Variants in WDR33 observed in about 807,000 individuals in gnomAD.
WDR33 encodes the protein WD repeat domain 33, also known as pre-mRNA 3' end processing protein WDR33.
WDR33 carries 47 observed loss-of-function variants against 164.9 expected under a neutral mutation model. That is an observed-to-expected ratio of 0.29 (90% CI 0.23 to 0.36). The LOEUF is 0.36. WDR33 is among the 10% of genes least tolerant of loss of function. WDR33 has a pLI of 1.00. For missense variants in WDR33, 1,137 were observed against 1,754.1 expected, an observed-to-expected ratio of 0.65 and a Z score of 6.28; for synonymous variants, 505 against 589.0, an observed-to-expected ratio of 0.86 and a Z score of 2.06.
At chr2:127,778,381 G>A (rs1032959031) in intron 1 of WDR33, among the ~76,000 whole-genome samples, 1 of 150,724 alleles carries the variant, frequency 6.6e-6, no homozygotes, top group Non-Finnish European at 1.5e-5. Flanking sequence ...AGACTGCAAT[G>A]AGCCAAGATC....
intron 1 of WDR33, among the ~76,000 whole-genome samples, chr2:127,795,491 A>AT (rs1466444116): frequency 6.6e-6 from 1 of 151,858 alleles, no homozygotes; most frequent in Non-Finnish European, 1.5e-5. Context: ...GCAGAATTAC[A>AT]TTTTTTTAGT....
chr2:127,733,820 G>T (rs1686769882), intron 7 of WDR33, among the ~76,000 whole-genome samples: 1 of 152,132 alleles, frequency 6.6e-6, no homozygotes, highest in African/African-American at 2.4e-5. Flanking sequence ...ACAATGAACA[G>T]CAACAACAAA....
At position 127,701,243 on chromosome 2, in the gene WDR33, T is replaced by A. The variant is rs13392473; in HGVS notation, c.*5080A>T. 4.4e-3 allele frequency: 1,194 copies of A among 271,350 alleles called. 13 individuals carry two copies. The highest frequency in any genetic ancestry group is 0.025 in the African/African-American group (1,113 of 45,346). The allele number at this position is 271,350 out of a possible 1,614,324, so 16.8% of individuals were successfully genotyped here. ...ACCACACCCACCCCTGCCTTCCAAC[T>A]ATTAATGCTGGCAGGACTTAGCCAG... On this transcript the variant is annotated 3_prime_UTR_variant, in exon 22 of 22. Coordinates refer to ENST00000322313, the MANE Select transcript of WDR33 (RefSeq NM_018383.5).
chr2:127,803,460 C>T (rs1573488015), intron 1 of WDR33, among the ~76,000 whole-genome samples: 2 of 151,736 alleles, frequency 1.3e-5, no homozygotes, highest in Non-Finnish European at 2.9e-5. Context: ...CCTAGCTGCT[C>T]GGGAGGCTGA....
At chr2:127,778,408 G>A (rs1688258722) in intron 1 of WDR33, among the ~76,000 whole-genome samples, 1 of 148,532 alleles carries the variant, frequency 6.7e-6, no homozygotes, top group Non-Finnish European at 1.5e-5. Flanking sequence ...CTGAACTCTA[G>A]CCTGGGCAAC....
At position 127,726,591 on chromosome 2, in the gene WDR33, A is replaced by C. The variant is rs2105386686; in HGVS notation, c.851+60T>G. The C allele has an allele frequency of 1.3e-6, 2 of 1,581,130 alleles. No individual in the cohort carries two copies. Among genetic ancestry groups the C allele is most frequent in the East Asian group, 4.5e-5 (2 of 44,646 alleles). ...TAAGAGAAAACAAAGCTAAAAGTTA[A>C]AGGACACACTGCTTTGCTCCCCTTT... is the stretch of plus-strand genomic sequence containing the variant. On this transcript the variant is annotated intron_variant, in intron 8 of 21. Coordinates refer to ENST00000322313, the MANE Select transcript of WDR33 (RefSeq NM_018383.5). The surrounding 1 kb of genome is among the most constrained non-coding windows in gnomAD (Gnocchi z 4.8).
chr2:127,805,566 C>CTAGCTGT (rs148807649), intron 1 of WDR33, among the ~76,000 whole-genome samples: 2,159 of 152,076 alleles, frequency 0.014, 63 homozygotes, highest in African/African-American at 0.05. Context: ...AAAGATGAGG[C>CTAGCTGT]TAGCTGTTTG....
intron 1 of WDR33, among the ~76,000 whole-genome samples, chr2:127,806,512 T>C (rs1203785509): frequency 6.6e-6 from 1 of 152,142 alleles, no homozygotes; most frequent in Non-Finnish European, 1.5e-5. Context: ...CGGCCTCTCT[T>C]TAGTTGTTTT....
At position 127,717,675 on chromosome 2, in the gene WDR33, A is replaced by G. The variant is rs907750274; in HGVS notation, c.2761-412T>C. ...TCATCAGGCAACTTCTGAGATCTGA[A>G]ATGCCCTACAAAGTATCAGATCTTC... On this transcript the variant is annotated intron_variant, in intron 16 of 21. Transcript: ENST00000322313. The surrounding 1 kb of genome is among the most constrained non-coding windows in gnomAD (Gnocchi z 5.6). Among the ~76,000 whole-genome samples the G allele has an allele frequency of 1.3e-5, 2 of 152,238 alleles. No individual in the cohort carries two copies. Among genetic ancestry groups the G allele is most frequent in the African/African-American group, 4.8e-5 (2 of 41,458 alleles).
At chr2:127,766,714 C>T (rs553718121) in intron 4 of WDR33, among the ~76,000 whole-genome samples, 37 of 151,448 alleles carry the variant, frequency 2.4e-4, no homozygotes, top group Admixed American at 2.2e-3. Flanking sequence ...TAACCAAATT[C>T]CCTGATTAAA....
At chr2:127,791,609 GCCC>G (rs1347048932) in intron 1 of WDR33, among the ~76,000 whole-genome samples, 1 of 151,980 alleles carries the variant, frequency 6.6e-6, no homozygotes, top group African/African-American at 2.4e-5. Flanking sequence ...TGTCACAGAG[GCCC>G]CCATCTCCAA....
Position 127,724,781 on chromosome 2 carries a change from T to TA in WDR33, c.1085+105dup, listed in dbSNP as rs146740012. On this transcript the variant is annotated intron_variant, in intron 10 of 21. Transcript: ENST00000322313. This position sits in a 1 kb window ranked among gnomAD's most constrained non-coding sequence, Gnocchi z 4.8. The stretch of plus-strand genomic sequence containing the variant: ...ACTGAAAACTGCAAGCAGTCTCTGA[T>TA]ATAGGATATATGAACACTTAGAAAA... The TA allele has an allele frequency of 8.8e-4, 1,099 of 1,247,904 alleles. 5 individuals are homozygous for TA. In the African/African-American group the frequency reaches 0.014, roughly 16 times the overall value. 77.3% of individuals were successfully genotyped at this position (1,247,904 alleles called of 1,614,324 possible). A position where few individuals can be genotyped will look rare whatever the true frequency, so the allele number is the denominator to read the frequency against.
intron 1 of WDR33, among the ~76,000 whole-genome samples, chr2:127,779,571 G>C (rs1276029998): frequency 6.6e-6 from 1 of 152,174 alleles, no homozygotes; most frequent in Non-Finnish European, 1.5e-5. Context: ...TGCATACAGG[G>C]TCACAATATT....
intron 1 of WDR33, among the ~76,000 whole-genome samples, chr2:127,794,132 A>G (rs1348320980): frequency 6.6e-6 from 1 of 152,104 alleles, no homozygotes. Context: ...TAGGTGACAG[A>G]GGGAGATCTT....
Position 127,719,955 on chromosome 2 carries a change from T to G in WDR33, c.2070A>C (p.Gln690His). ...HPGPHGPLGP[Q>H]GPPGPQGSSG... ...AACTACCTTGTGGTCCAGGTGGCCCTTGAGGTCCCAAAGGGCCATGAGGTC... is the reference window on the plus strand; with the variant it reads ...AACTACCTTGTGGTCCAGGTGGCCCGTGAGGTCCCAAAGGGCCATGAGGTC... Residue 690 changes from glutamine (Q) to histidine (H), a missense_variant, in exon 16 of 22, where the codon CAA (glutamine) becomes CAC (histidine). By Grantham distance (24) the Gln-to-His change is conservative. Around this residue, in one of 9 missense-constraint regions of WDR33, gnomAD observed 867 missense variants for 1,073.0 expected, o/e 0.81. Transcript: ENST00000322313. This position sits in a 1 kb window ranked among gnomAD's most constrained non-coding sequence, Gnocchi z 6.5. 6.2e-7 allele frequency: 1 copy of G among 1,613,958 alleles called. No individual in the cohort carries two copies. Among genetic ancestry groups the G allele is most frequent in the Non-Finnish European group, 8.5e-7 (1 of 1,179,962 alleles).
chr2:127,762,832 T>C (rs1224210891), intron 7 of WDR33: 1 of 1,337,558 alleles, frequency 7.5e-7, no homozygotes, highest in East Asian at 3.1e-5. Flanking sequence ...GGGGAGGCAC[T>C]CTTGTATTTA....
rs1009556781 is a variant in WDR33, at chr2:127,741,976, G to A, written c.725-15199C>T. Among the ~76,000 whole-genome samples the A allele has an allele frequency of 2.6e-5, 4 of 152,210 alleles. No individual in the cohort carries two copies. The highest frequency in any genetic ancestry group is 3.9e-4 in the East Asian group (2 of 5,168). ...AGCACTTTGGGAGGCCGAGGCGGGTGGATCACCTGAAGTCAGGAGTTCAAG... is the reference window on the plus strand; with the variant it reads ...AGCACTTTGGGAGGCCGAGGCGGGTAGATCACCTGAAGTCAGGAGTTCAAG... On this transcript the variant is annotated intron_variant, in intron 7 of 21. Coordinates refer to ENST00000322313, the MANE Select transcript of WDR33 (RefSeq NM_018383.5). This position sits in a 1 kb window ranked among gnomAD's most constrained non-coding sequence, Gnocchi z 4.1.
At chr2:127,728,329 G>A (rs1175098557) in intron 7 of WDR33, among the ~76,000 whole-genome samples, 5 of 152,148 alleles carry the variant, frequency 3.3e-5, no homozygotes, top group Non-Finnish European at 7.3e-5. Flanking sequence ...ATACACCAGT[G>A]TATACCATCA....
intron 1 of WDR33, among the ~76,000 whole-genome samples, chr2:127,779,270 C>T (rs1407912339): frequency 1.3e-5 from 2 of 151,816 alleles, no homozygotes; most frequent in African/African-American, 4.8e-5. Flanking sequence ...GAGTTCGAGA[C>T]GAGCCTGGCT....
Sources: gnomAD v4.1 joint callset for allele counts (sites outside exome capture counted in the v4.1 genomes callset) on GRCh38, gnomAD v4.1.1 for gene constraint, gnomAD v4.1.1 regional missense constraint, Gnocchi (gnomAD v3.1) non-coding constraint, MANE v1.5 for transcripts, NCBI Gene and HGNC (gene_info 2026-07-23, HGNC 2026-07-21) for gene names.